Variants in ADAMTS3 observed in about 807,000 individuals in gnomAD.
The protein encoded by ADAMTS3 is ADAM metallopeptidase with thrombospondin type 1 motif 3, also known as A disintegrin and metalloproteinase with thrombospondin motifs 3.
ADAMTS3 carries 73 observed loss-of-function variants against 129.0 expected under a neutral mutation model. The ratio of observed to expected loss-of-function variants is 0.57; its 90% confidence interval spans 0.47 to 0.69. The LOEUF (loss-of-function observed/expected upper bound fraction) is 0.69. Ranked by LOEUF, ADAMTS3 falls within the 30% of genes least tolerant of loss-of-function variation. The pLI is 0.00. For missense variants in ADAMTS3, 1,457 were observed against 1,514.5 expected (o/e 0.96, Z 0.63); for synonymous variants, 477 against 510.8 (o/e 0.93, Z 0.89).
chr4:72,434,304 A>G (rs1448012477), intron 3 of ADAMTS3, among the ~76,000 whole-genome samples: 1 of 151,932 alleles, frequency 6.6e-6, no homozygotes, highest in Non-Finnish European at 1.5e-5. Flanking sequence ...TTAAAACTAA[A>G]TTGCATTATT....
intron 3 of ADAMTS3, among the ~76,000 whole-genome samples, chr4:72,418,384 C>A (rs867717564): frequency 5.3e-5 from 8 of 152,078 alleles, no homozygotes; most frequent in Non-Finnish European, 1.0e-4. Context: ...GTGGAGCAAG[C>A]ATGTAAGGGC....
intron 3 of ADAMTS3, among the ~76,000 whole-genome samples, chr4:72,433,765 T>C (rs1722754116): frequency 6.6e-6 from 1 of 151,946 alleles, no homozygotes; most frequent in Non-Finnish European, 1.5e-5. Context: ...TTATATTTGT[T>C]ATTTCTAACA....
intron 4 of ADAMTS3, among the ~76,000 whole-genome samples, chr4:72,369,476 C>G (rs111771662): frequency 6.6e-6 from 1 of 151,848 alleles, no homozygotes. Flanking sequence ...CTTGAGAGGC[C>G]GAGGTGGGCA....
chr4:72,504,238 T>C (rs1263552184), intron 3 of ADAMTS3, among the ~76,000 whole-genome samples: 1 of 152,176 alleles, frequency 6.6e-6, no homozygotes, highest in Non-Finnish European at 1.5e-5. Context: ...GTTTTATCAT[T>C]TTCAAGATTT....
At chr4:72,464,520 A>G (rs1233369957) in intron 3 of ADAMTS3, among the ~76,000 whole-genome samples, 1 of 152,078 alleles carries the variant, frequency 6.6e-6, no homozygotes, top group African/African-American at 2.4e-5. Flanking sequence ...ACAGAAAACT[A>G]TAAATTTTTA....
chr4:72,515,820 T>C (rs1720456308), intron 3 of ADAMTS3, among the ~76,000 whole-genome samples: 1 of 152,194 alleles, frequency 6.6e-6, no homozygotes, highest in African/African-American at 2.4e-5. Context: ...TCTTTTGCTG[T>C]GCAGAAGCTC....
chr4:72,332,894 T>A (rs1157420052), intron 5 of ADAMTS3, among the ~76,000 whole-genome samples: 1 of 152,162 alleles, frequency 6.6e-6, no homozygotes, highest in Non-Finnish European at 1.5e-5. Flanking sequence ...AGGAAAGACA[T>A]CAGAGTTTTA....
In ADAMTS3 at chr4:72,447,771, A is replaced by C. The variant is rs78524928; in HGVS notation, c.505-32800T>G. 7.1e-3 allele frequency among the ~76,000 whole-genome samples: 1,076 copies of C among 151,852 alleles called. 16 individuals are homozygous for C. Among genetic ancestry groups the C allele is most frequent in the African/African-American group, 0.025 (1,029 of 41,504 alleles). ...TCTAAAAGGCAAAACCGGTGACCCA[A>C]ATGCAGAAACCATCAGATAAAATTC... is the stretch of plus-strand genomic sequence containing the variant. On this transcript the variant is annotated intron_variant, in intron 3 of 21. Coordinates refer to ENST00000286657, the MANE Select transcript of ADAMTS3 (RefSeq NM_014243.3).
At chr4:72,312,552 C>A in intron 12 of ADAMTS3, 86 bp from the exon 13 acceptor site, 2 of 1,359,826 alleles carry the variant, frequency 1.5e-6, no homozygotes, top group Non-Finnish European at 2.0e-6. Flanking sequence ...GGGCACAAAG[C>A]CAAAGTTTCT....
intron 4 of ADAMTS3, among the ~76,000 whole-genome samples, chr4:72,357,183 A>C (rs554668905): frequency 6.6e-6 from 1 of 152,040 alleles, no homozygotes; most frequent in African/African-American, 2.4e-5. Context: ...GTGTATGGAG[A>C]TGCTCCTTTT....
chr4:72,462,506 A>G (rs1471203727), intron 3 of ADAMTS3, among the ~76,000 whole-genome samples: 3 of 151,942 alleles, frequency 2.0e-5, no homozygotes, highest in African/African-American at 7.2e-5. Context: ...CCACAAAATG[A>G]CATTTCAGTC....
At chr4:72,557,481 C>T (rs1172669226) in intron 2 of ADAMTS3, among the ~76,000 whole-genome samples, 2 of 151,886 alleles carry the variant, frequency 1.3e-5, no homozygotes. Flanking sequence ...ACAAGTCCGA[C>T]ACCCTCTTTG....
intron 4 of ADAMTS3, among the ~76,000 whole-genome samples, chr4:72,354,460 C>T (rs772914886): frequency 6.6e-6 from 1 of 151,984 alleles, no homozygotes; most frequent in Non-Finnish European, 1.5e-5. Context: ...TTTCATTCCT[C>T]TCCACTCTGA....
intron 3 of ADAMTS3, among the ~76,000 whole-genome samples, chr4:72,489,889 T>C (rs954943311): frequency 1.3e-5 from 2 of 151,846 alleles, no homozygotes; most frequent in Non-Finnish European, 2.9e-5. Flanking sequence ...TACCCAAAAG[T>C]AGATCGCTGG....
intron 3 of ADAMTS3, among the ~76,000 whole-genome samples, chr4:72,430,336 C>A (rs1023216286): frequency 4.6e-5 from 7 of 151,994 alleles, no homozygotes; most frequent in African/African-American, 1.7e-4. Flanking sequence ...ATACTCTCCT[C>A]AGATGCTTCC....
At chr4:72,320,364 AG>A (rs1186499291) in intron 7 of ADAMTS3, among the ~76,000 whole-genome samples, 2 of 152,194 alleles carry the variant, frequency 1.3e-5, no homozygotes, top group Non-Finnish European at 2.9e-5. Flanking sequence ...GATAAATGTA[AG>A]CTGACTTTGG....
chr4:72,552,018 A>C (rs534666108), intron 2 of ADAMTS3, among the ~76,000 whole-genome samples: 1 of 152,340 alleles, frequency 6.6e-6, no homozygotes, highest in South Asian at 2.1e-4. Flanking sequence ...AGAAACTGGA[A>C]GGAGGGGCAG....
At chr4:72,313,060 A>G (rs1362796253) in intron 12 of ADAMTS3, among the ~76,000 whole-genome samples, 1 of 152,176 alleles carries the variant, frequency 6.6e-6, no homozygotes, top group Non-Finnish European at 1.5e-5. Context: ...GCTCAGAGAC[A>G]TCCTGCTGCC....
chr4:72,361,712 A>C (rs1422792216), intron 4 of ADAMTS3, among the ~76,000 whole-genome samples: 1 of 152,050 alleles, frequency 6.6e-6, no homozygotes, highest in East Asian at 1.9e-4. Flanking sequence ...ACTGCAAAAC[A>C]CAATGCCCTT....
Sources: allele counts gnomAD v4.1 joint callset (sites outside exome capture counted in the v4.1 genomes callset), GRCh38; gene constraint gnomAD v4.1.1; transcripts MANE v1.5; gene names NCBI Gene and HGNC (gene_info 2026-07-23, HGNC 2026-07-21).